The following FBXO42 variants were observed in gnomAD, a reference collection of about 807,000 sequenced individuals.
The protein encoded by FBXO42 is F-box protein 42.
FBXO42 carries 12 observed loss-of-function variants against 71.7 expected under a neutral mutation model. The ratio of observed to expected loss-of-function variants is 0.17; its 90% CI spans 0.11 to 0.27. The LOEUF (loss-of-function observed/expected upper bound fraction) is 0.27. Among genes scored for constraint, FBXO42 ranks in the 10% least tolerant of loss-of-function variants. FBXO42 has a pLI of 1.00. For missense variants in FBXO42, 707 were observed against 911.9 expected, an observed-to-expected ratio of 0.78 and a Z score of 2.89; for synonymous variants, 325 against 327.5, an observed-to-expected ratio of 0.99 and a Z score of 0.08.
intron 4 of FBXO42, among the ~76,000 whole-genome samples, chr1:16,287,493 TAGA>T (rs1398466486): frequency 6.6e-6 from 1 of 152,224 alleles, no homozygotes; most frequent in African/African-American, 2.4e-5. Context: ...CCCTGGCATA[TAGA>T]ACAATACCAG....
intron 1 of FBXO42, among the ~76,000 whole-genome samples, chr1:16,343,757 A>C (rs2082628633): frequency 6.9e-6 from 1 of 144,552 alleles, no homozygotes; most frequent in Non-Finnish European, 1.5e-5. Context: ...CAGGAGGTGG[A>C]GGTTGCAGTG....
intron 5 of FBXO42, 61 bp from the exon 6 acceptor site, chr1:16,255,882 G>A: frequency 1.7e-6 from 2 of 1,147,648 alleles, no homozygotes; most frequent in South Asian, 1.4e-5. Context: ...TGTAAAAATA[G>A]TAAGTAGGCA....
chr1:16,295,009 C>T, intron 3 of FBXO42, 92 bp from the exon 4 acceptor site: 1 of 1,407,722 alleles, frequency 7.1e-7, no homozygotes, highest in Non-Finnish European at 9.4e-7. Flanking sequence ...GCTTATTTCA[C>T]ACATTCAGCA....
At chr1:16,350,251 T>C (rs760969409) in intron 1 of FBXO42, among the ~76,000 whole-genome samples, 1 of 152,142 alleles carries the variant, frequency 6.6e-6, no homozygotes, top group Non-Finnish European at 1.5e-5. Flanking sequence ...AGCATAACAG[T>C]GCAACATATT....
At chr1:16,275,078 C>T (rs1189231072) in intron 4 of FBXO42, among the ~76,000 whole-genome samples, 2 of 152,014 alleles carry the variant, frequency 1.3e-5, no homozygotes, top group African/African-American at 2.4e-5. Context: ...CTTTAAGAAC[C>T]CATTCATCAC....
Position 16,251,016 on chromosome 1 carries a change from C to T in FBXO42, c.1808G>A (p.Arg603His), listed in dbSNP as rs761599198. ...LSSGETVPIP[R>H]PGPAQGDGHS... ...TCCATCTCCTTGGGCAGGCCCTGGG[C>T]GAGGGATGGGCACTGTTTCTCCACT... The change falls in exon 10 of 10, where the codon CGC (arginine) becomes CAC (histidine). Residue 603 changes from arginine (R) to histidine (H), a missense_variant. Physicochemically the swap from Arg to His is conservative, Grantham distance 29 (BLOSUM62 0). This residue lies in a region of FBXO42 where 482 missense variants were observed against 587.1 expected (regional missense o/e 0.82). Coordinates refer to ENST00000375592, the MANE Select transcript of FBXO42 (RefSeq NM_018994.3). The surrounding 1 kb of genome is among the most constrained non-coding windows in gnomAD (Gnocchi z 4.5). 26 of 1,614,010 alleles carry T rather than the reference C, an allele frequency of 1.6e-5. No individual in the cohort carries two copies. The highest frequency in any genetic ancestry group is 4.0e-5 in the African/African-American group (3 of 74,910).
intron 1 of FBXO42, among the ~76,000 whole-genome samples, chr1:16,350,676 G>T (rs928193414): frequency 1.8e-4 from 27 of 147,888 alleles, no homozygotes; most frequent in Admixed American, 1.7e-3. Context: ...AAACCCAGGG[G>T]ATGGAGATTG....
chr1:16,319,537 G>A (rs966038073), intron 1 of FBXO42, among the ~76,000 whole-genome samples: 10 of 152,156 alleles, frequency 6.6e-5, no homozygotes, highest in South Asian at 4.1e-4. Context: ...GAAAGGCACT[G>A]ACAGTGAGAA....
At chr1:16,286,416 A>C (rs1315796356) in intron 4 of FBXO42, among the ~76,000 whole-genome samples, 2 of 152,188 alleles carry the variant, frequency 1.3e-5, no homozygotes, top group Non-Finnish European at 2.9e-5. Flanking sequence ...GGACGGAATG[A>C]GTGCAAGCAG....
intron 4 of FBXO42, among the ~76,000 whole-genome samples, chr1:16,258,842 ATCCTC>A (rs1304478449): frequency 3.3e-5 from 5 of 151,976 alleles, no homozygotes; most frequent in Non-Finnish European, 5.9e-5. Flanking sequence ...GGCTGAAGCA[ATCCTC>A]TTGCTTCAGC....
rs1324617260 is a variant in FBXO42 at position 16,271,727 on chromosome 1, C to T, written c.503-14968G>A. 3.9e-5 allele frequency among the ~76,000 whole-genome samples: 6 copies of T among 152,072 alleles called. No individual in the cohort carries two copies. The South Asian group carries it at 1.0e-3, about 26-fold the overall frequency. ...TTTTTCAATGGCTATCCATAGCCCT[C>T]TTCATTTACCACATAAGTGTTTGGT... On this transcript the variant is annotated intron_variant, in intron 4 of 9. Transcript: ENST00000375592.
At chr1:16,320,124 C>G (rs2082399802) in intron 1 of FBXO42, among the ~76,000 whole-genome samples, 1 of 151,796 alleles carries the variant, frequency 6.6e-6, no homozygotes, top group African/African-American at 2.4e-5. Flanking sequence ...CTCTGGAAGG[C>G]CAAGGCAGGC....
chr1:16,283,932 T>G (rs2081993796), intron 4 of FBXO42, among the ~76,000 whole-genome samples: 1 of 152,216 alleles, frequency 6.6e-6, no homozygotes, highest in African/African-American at 2.4e-5. Flanking sequence ...TATCTTGATT[T>G]AAAGTAACCG....
At chr1:16,311,255 T>C (rs115075341) in intron 2 of FBXO42, among the ~76,000 whole-genome samples, 96 of 149,172 alleles carry the variant, frequency 6.4e-4, no homozygotes, top group African/African-American at 2.2e-3. Flanking sequence ...GGTGGTAAGA[T>C]TGCTTGAGCC....
Position 16,251,332 on chromosome 1 carries a change from C to G in FBXO42, c.1492G>C (p.Gly498Arg). The G allele has an allele frequency of 6.2e-7, 1 of 1,614,206 alleles. No individual in the cohort carries two copies. The highest frequency in any genetic ancestry group is 8.5e-7 in the Non-Finnish European group (1 of 1,180,030). ...AGATCCCAATTCAGATCTATGGATC[C>G]TAATCTCAGATCTTTCTGATCTGGT... ...SLPDQKDLRL[G>R]SIDLNWDLKP... is the part of the protein sequence containing the mutation. Residue 498 changes from glycine to arginine, a missense_variant, in exon 10 of 10, where the codon GGA (glycine) becomes CGA (arginine). Transcript: ENST00000375592. This position sits in a 1 kb window ranked among gnomAD's most constrained non-coding sequence, Gnocchi z 4.5.
chr1:16,304,194 G>A (rs2082226530), intron 3 of FBXO42, among the ~76,000 whole-genome samples: 1 of 148,942 alleles, frequency 6.7e-6, no homozygotes, highest in Admixed American at 6.8e-5. Context: ...TCGGCTCACT[G>A]CAACCTCCGC....
intron 2 of FBXO42, among the ~76,000 whole-genome samples, chr1:16,312,812 T>C (rs1234665335): frequency 6.9e-6 from 1 of 145,516 alleles, no homozygotes; most frequent in Non-Finnish European, 1.5e-5. Flanking sequence ...TTTTTTTTTT[T>C]GAGACAGAAT....
At chr1:16,309,685 C>G (rs2082291894) in intron 2 of FBXO42, among the ~76,000 whole-genome samples, 1 of 151,358 alleles carries the variant, frequency 6.6e-6, no homozygotes, top group African/African-American at 2.4e-5. Flanking sequence ...AACTTGAGCC[C>G]AGGAGTTCAA....
chr1:16,252,323 C>A lies in FBXO42; in HGVS notation c.1003G>T (p.Gly335Trp). ...GGATGGCACCACAGTTCTGGGGCCC[C>A]ATGCTCTTCATTTTCTACCTTGAGT... ...QPLKVENEEH[G>W]APELWCHPAC... Residue 335 changes from glycine to tryptophan, a missense_variant, in exon 9 of 10, where the codon GGG becomes TGG. Gly to Trp is a radical substitution (Grantham distance 184). Transcript: ENST00000375592. The surrounding 1 kb of genome is among the most constrained non-coding windows in gnomAD (Gnocchi z 4.4). 1 of 1,614,232 alleles carries A rather than the reference C, an allele frequency of 6.2e-7. No homozygotes were observed. The highest frequency in any genetic ancestry group is 8.5e-7 in the Non-Finnish European group (1 of 1,180,042).
Sources: gnomAD v4.1 joint callset for allele counts (sites outside exome capture counted in the v4.1 genomes callset) on GRCh38, gnomAD v4.1.1 for gene constraint, gnomAD v4.1.1 regional missense constraint, Gnocchi (gnomAD v3.1) non-coding constraint, MANE v1.5 for transcripts, NCBI Gene and HGNC (gene_info 2026-07-23, HGNC 2026-07-21) for gene names.